SLC35F1: variants seen among roughly 807,000 people sequenced by gnomAD.
SLC35F1 encodes chromosome 6 open reading frame 169.
Under a neutral mutation model 48.7 loss-of-function variants are expected in SLC35F1, and 14 were observed. The ratio of observed to expected loss-of-function variants is 0.29; its 90% CI spans 0.19 to 0.45. SLC35F1 has a LOEUF of 0.45. Ranked by LOEUF, SLC35F1 falls within the 20% of genes least tolerant of loss-of-function variation. SLC35F1 has a pLI of 1.00. For missense variants in SLC35F1, 404 were observed against 500.0 expected, an observed-to-expected ratio of 0.81 and a Z score of 1.83; for synonymous variants, 190 against 202.2, an observed-to-expected ratio of 0.94 and a Z score of 0.51.
intron 1 of SLC35F1, among the ~76,000 whole-genome samples, chr6:118,139,339 C>T (rs1773848711): frequency 6.6e-6 from 1 of 152,156 alleles, no homozygotes; most frequent in Non-Finnish European, 1.5e-5. Context: ...GTCTCGATCT[C>T]CTGACCTCGT....
intron 2 of SLC35F1, among the ~76,000 whole-genome samples, chr6:118,209,501 TA>T (rs1328286261): frequency 6.6e-6 from 1 of 152,198 alleles, no homozygotes; most frequent in Non-Finnish European, 1.5e-5. Context: ...AAGGCCTTTC[TA>T]AAAATACTTT....
In SLC35F1 at chr6:118,000,052, C is replaced by G. The variant is rs1157276567; in HGVS notation, c.173+92153C>G. Among the ~76,000 whole-genome samples, 3 of 151,958 alleles carry G rather than the reference C, an allele frequency of 2.0e-5. No homozygotes were observed. The East Asian group carries it at 5.8e-4, about 29-fold the overall frequency. ...GGAACTGGTACCATTCCTTCTGAAA[C>G]TATTCCAATCAATAGAAAAAGAGGG... On this transcript the variant is annotated intron_variant, in intron 1 of 7. Transcript: ENST00000360388.
intron 1 of SLC35F1, among the ~76,000 whole-genome samples, chr6:118,112,633 A>G (rs1187628297): frequency 6.6e-6 from 1 of 152,196 alleles, no homozygotes. Flanking sequence ...GTGAAGCAGT[A>G]TGGTGGAATT....
intron 1 of SLC35F1, among the ~76,000 whole-genome samples, chr6:118,055,133 T>C (rs1280593025): frequency 1.3e-5 from 2 of 152,320 alleles, no homozygotes; most frequent in African/African-American, 2.4e-5. Context: ...TATTTGGATA[T>C]TGATATCTAG....
intron 7 of SLC35F1, among the ~76,000 whole-genome samples, chr6:118,300,816 T>C (rs1776246740): frequency 1.3e-5 from 2 of 152,222 alleles, no homozygotes; most frequent in East Asian, 3.8e-4. Flanking sequence ...TAAAATTTTA[T>C]TTTTTAAATA....
chr6:118,043,983 G>C (rs1287046761), intron 1 of SLC35F1, among the ~76,000 whole-genome samples: 1 of 152,230 alleles, frequency 6.6e-6, no homozygotes, highest in Non-Finnish European at 1.5e-5. Flanking sequence ...ATTACTGACA[G>C]AGGAAGGCAA....
chr6:117,960,855 G>A (rs906550318), intron 1 of SLC35F1, among the ~76,000 whole-genome samples: 1 of 152,096 alleles, frequency 6.6e-6, no homozygotes, highest in Non-Finnish European at 1.5e-5. Flanking sequence ...TGTTTCTTAC[G>A]TCTACATAGT....
In SLC35F1 at chr6:118,046,178, G is replaced by A. The variant is rs375048083; in HGVS notation, c.174-108267G>A. Among the ~76,000 whole-genome samples, 41 of 152,264 alleles carry A rather than the reference G, an allele frequency of 2.7e-4. 1 individual carries two copies. Among genetic ancestry groups the A allele is most frequent in the East Asian group, 1.7e-3 (9 of 5,180 alleles). On this transcript the variant is annotated intron_variant, in intron 1 of 7. Transcript: ENST00000360388. ...GCAAAGTCTTACATCTTTAAAACTA[G>A]ACTAAATGAATACCTTTTCATATAC...
intron 1 of SLC35F1, among the ~76,000 whole-genome samples, chr6:117,944,232 T>C (rs1022482530): frequency 1.3e-5 from 2 of 152,178 alleles, no homozygotes; most frequent in African/African-American, 4.8e-5. Context: ...CTTGTGTCTG[T>C]TTGCTATCAG....
intron 1 of SLC35F1, among the ~76,000 whole-genome samples, chr6:117,990,663 A>C (rs1487481297): frequency 6.6e-6 from 1 of 152,198 alleles, no homozygotes; most frequent in Non-Finnish European, 1.5e-5. Context: ...CTGGGTACTG[A>C]GTCCTGTGCT....
chr6:118,274,565 T>G (rs915475101), intron 4 of SLC35F1, among the ~76,000 whole-genome samples: 3 of 152,054 alleles, frequency 2.0e-5, no homozygotes, highest in Non-Finnish European at 4.4e-5. Context: ...ATCTGGCTAA[T>G]TTTTGTAGTT....
In SLC35F1 at chr6:117,907,462, G is replaced by T; in HGVS notation, c.-265G>T. On this transcript the variant is annotated 5_prime_UTR_variant, in exon 1 of 8. Transcript: ENST00000360388. ...GCGGGGCGGGCCAGGACTTGGGGAC[G>T]CGGCTCGGGAAGAGCCGGGGCGGGC... is the stretch of plus-strand genomic sequence containing the variant. 1 of 246,578 alleles carries T rather than the reference G, an allele frequency of 4.1e-6. No individual in the cohort carries two copies. The highest frequency in any genetic ancestry group is 7.6e-6 in the Non-Finnish European group (1 of 131,394). 15.3% of individuals were successfully genotyped at this position (246,578 alleles called of 1,614,324 possible).
chr6:117,976,311 A>C (rs992020431), intron 1 of SLC35F1, among the ~76,000 whole-genome samples: 5 of 152,238 alleles, frequency 3.3e-5, no homozygotes, highest in Non-Finnish European at 7.3e-5. Context: ...TAAACCGGAG[A>C]AACCCTGGCT....
intron 1 of SLC35F1, among the ~76,000 whole-genome samples, chr6:118,144,538 G>A (rs1381825011): frequency 6.7e-6 from 1 of 148,942 alleles, no homozygotes; most frequent in East Asian, 2.0e-4. Context: ...CTTGGCACAG[G>A]TTTACCTGTG....
chr6:118,062,894 A>G (rs932941574), intron 1 of SLC35F1, among the ~76,000 whole-genome samples: 11 of 152,204 alleles, frequency 7.2e-5, no homozygotes, highest in African/African-American at 2.4e-4. Context: ...TTTTTAAAAA[A>G]GAAATAGAGC....
intron 1 of SLC35F1, among the ~76,000 whole-genome samples, chr6:118,080,814 T>G (rs992498131): frequency 2.0e-5 from 3 of 152,170 alleles, no homozygotes; most frequent in Non-Finnish European, 4.4e-5. Flanking sequence ...GCATTTCCAA[T>G]GTCTTCAGCT....
chr6:118,018,538 A>G (rs567554360), intron 1 of SLC35F1, among the ~76,000 whole-genome samples: 8 of 151,450 alleles, frequency 5.3e-5, no homozygotes, highest in African/African-American at 1.7e-4. Context: ...TATTATTATT[A>G]TTGTTGTTGT....
intron 6 of SLC35F1, among the ~76,000 whole-genome samples, chr6:118,281,237 G>A (rs1228795418): frequency 1.4e-5 from 2 of 143,560 alleles, no homozygotes; most frequent in African/African-American, 5.2e-5. Context: ...ATTAACTGAG[G>A]TATTGATAGG....
chr6:117,918,868 G>A (rs965252566), intron 1 of SLC35F1, among the ~76,000 whole-genome samples: 1 of 152,006 alleles, frequency 6.6e-6, no homozygotes, highest in East Asian at 1.9e-4. Flanking sequence ...GTATGAGAGA[G>A]AGAGAAGAGG....
Sources: allele counts gnomAD v4.1 joint callset (sites outside exome capture counted in the v4.1 genomes callset), GRCh38; gene constraint gnomAD v4.1.1; transcripts MANE v1.5; gene names NCBI Gene and HGNC (gene_info 2026-07-23, HGNC 2026-07-21).